Variants in CHRM5 observed in about 807,000 individuals in gnomAD.
CHRM5 encodes the protein muscarinic acetylcholine receptor M5.
CHRM5 carries 18 observed loss-of-function variants against 39.0 expected under a neutral mutation model. The ratio of observed to expected loss-of-function variants is 0.46; its 90% confidence interval spans 0.32 to 0.68. The LOEUF (loss-of-function observed/expected upper bound fraction) is 0.68. CHRM5 is among the 30% of genes least tolerant of loss of function. The pLI is 0.04. For synonymous variants in CHRM5, 241 were observed against 246.3 expected (o/e 0.98, Z 0.20); for missense variants, 515 against 651.1 (o/e 0.79, Z 2.28).
intron 1 of CHRM5, among the ~76,000 whole-genome samples, chr15:34,017,497 T>TTTTTTTTTTG (rs1555516619): frequency 1.5e-5 from 2 of 133,360 alleles, no homozygotes; most frequent in Non-Finnish European, 3.3e-5. Flanking sequence ...TTTTTTTTTT[T>TTTTTTTTTTG]TTTGAGACAG....
chr15:34,000,846 C>A (rs887533495), intron 1 of CHRM5, among the ~76,000 whole-genome samples: 8 of 151,976 alleles, frequency 5.3e-5, no homozygotes, highest in Non-Finnish European at 7.4e-5. Flanking sequence ...ACCAAAAAAA[C>A]CAAAACCAAT....
chr15:34,025,110 C>A (rs1032443141), intron 1 of CHRM5, among the ~76,000 whole-genome samples: 1 of 151,802 alleles, frequency 6.6e-6, no homozygotes, highest in Non-Finnish European at 1.5e-5. Context: ...GCAGAGGATG[C>A]AATAAGCAGA....
At chr15:34,034,258 G>C (rs767972632) in intron 1 of CHRM5, among the ~76,000 whole-genome samples, 1 of 152,058 alleles carries the variant, frequency 6.6e-6, no homozygotes, top group Non-Finnish European at 1.5e-5. Flanking sequence ...GCCTGGGCAA[G>C]ACAGTGAGAC....
chr15:34,038,914 C>G, intron 1 of CHRM5: 1 of 721,592 alleles, frequency 1.4e-6, no homozygotes, highest in Admixed American at 7.1e-5. Context: ...CCTCCGTCCC[C>G]GCCGCCGCCT....
intron 2 of CHRM5, among the ~76,000 whole-genome samples, chr15:34,052,965 T>C (rs1322450665): frequency 1.3e-5 from 2 of 152,080 alleles, no homozygotes; most frequent in Admixed American, 1.3e-4. Flanking sequence ...AAACTACCAT[T>C]GATATTCTTC....
At chr15:33,985,691 C>T (rs1009288018) in intron 1 of CHRM5, among the ~76,000 whole-genome samples, 1 of 152,050 alleles carries the variant, frequency 6.6e-6, no homozygotes, top group African/African-American at 2.4e-5. Flanking sequence ...GCATGATACA[C>T]CTGATTCCTT....
At chr15:34,047,054 T>C (rs1899720315) in intron 2 of CHRM5, among the ~76,000 whole-genome samples, 183 bp downstream of exon 2, 1 of 148,196 alleles carries the variant, frequency 6.7e-6, no homozygotes, top group East Asian at 2.0e-4. Flanking sequence ...AGGGCTTTTT[T>C]GTTTTGGTTT....
chr15:34,064,038 G>T lies in CHRM5; in HGVS notation c.1321G>T (p.Ala441Ser). The T allele has an allele frequency of 6.2e-7, 1 of 1,614,140 alleles. No homozygotes were observed. Among genetic ancestry groups the T allele is most frequent in the Non-Finnish European group, 8.5e-7 (1 of 1,180,026 alleles). Residue 441 changes from alanine (A) to serine (S), a missense_variant, in exon 3 of 3, where the codon GCC (alanine) becomes TCC (serine). Transcript: ENST00000383263. Reference sequence around the variant, plus strand: ...GGTCCTAGTCAAAGAGAGGAAAGCAGCCCAGACACTGAGTGCCATTCTCCT... The same window carrying T: ...GGTCCTAGTCAAAGAGAGGAAAGCATCCCAGACACTGAGTGCCATTCTCCT... Reference protein sequence around the residue: ...RVVLVKERKAAQTLSAILLAF... With the variant: ...RVVLVKERKASQTLSAILLAF...
At chr15:33,993,168 G>A (rs1435489729) in intron 1 of CHRM5, among the ~76,000 whole-genome samples, 1 of 152,120 alleles carries the variant, frequency 6.6e-6, no homozygotes, top group Admixed American at 6.5e-5. Flanking sequence ...AAAAAATGAA[G>A]GGCAGAAGAA....
chr15:34,001,825 T>C (rs964632948), intron 1 of CHRM5, among the ~76,000 whole-genome samples: 21 of 152,308 alleles, frequency 1.4e-4, no homozygotes, highest in African/African-American at 4.8e-4. Context: ...CTTAGTCTGG[T>C]GCCAGCATTC....
chr15:34,064,379 G>A lies in CHRM5; in HGVS notation c.*63G>A. 1 of 1,488,136 alleles carries A rather than the reference G, an allele frequency of 6.7e-7. No individual in the cohort carries two copies. Among genetic ancestry groups the A allele is most frequent in the Non-Finnish European group, 9.0e-7 (1 of 1,114,944 alleles). The allele number at this position is 1,488,136 out of a possible 1,614,324, so 92.2% of individuals were successfully genotyped here. A position where few individuals can be genotyped will look rare whatever the true frequency, so the allele number is the denominator to read the frequency against. ...GTCAACATCCTCTGAGGATGAGCAA[G>A]CTGATTCTGGTTTGTATATTTTCAA... On this transcript the variant is annotated 3_prime_UTR_variant, in exon 3 of 3. Coordinates refer to ENST00000383263, the MANE Select transcript of CHRM5 (RefSeq NM_012125.4).
chr15:34,019,026 C>T (rs756316054), intron 1 of CHRM5, among the ~76,000 whole-genome samples: 8 of 151,320 alleles, frequency 5.3e-5, no homozygotes, highest in South Asian at 4.2e-4. Flanking sequence ...AGACACAGAG[C>T]GCTGATTGGT....
At chr15:33,985,347 A>G (rs514472) in intron 1 of CHRM5, among the ~76,000 whole-genome samples, 138,814 of 150,810 alleles carry the variant, frequency 0.92, 64,827 homozygotes, top group Non-Finnish European at 1. Context: ...TGTGGGCTTT[A>G]TTACAGGGAA....
chr15:34,038,574 G>A (rs1056840802), intron 1 of CHRM5, among the ~76,000 whole-genome samples: 15 of 151,670 alleles, frequency 9.9e-5, no homozygotes, highest in African/African-American at 3.4e-4. Context: ...CCGGCCAGGA[G>A]GCCACGAGGG....
At chr15:34,052,513 AAAG>A (rs1899963238) in intron 2 of CHRM5, among the ~76,000 whole-genome samples, 1 of 152,234 alleles carries the variant, frequency 6.6e-6, no homozygotes, top group Non-Finnish European at 1.5e-5. Flanking sequence ...CAGGCAAGAG[AAAG>A]AAATGAAGCA....
chr15:34,063,304 G>T lies in CHRM5; in HGVS notation c.587G>T (p.Gly196Val). The T allele has an allele frequency of 6.2e-7, 1 of 1,614,082 alleles. No homozygotes were observed. The highest frequency in any genetic ancestry group is 8.5e-7 in the Non-Finnish European group (1 of 1,180,016). The change falls in exon 3 of 3, where the codon GGC becomes GTC. Residue 196 changes from glycine to valine, a missense_variant. By Grantham distance (109) the Gly-to-Val change is moderately radical. Coordinates refer to ENST00000383263, the MANE Select transcript of CHRM5 (RefSeq NM_012125.4). This position sits in a 1 kb window ranked among gnomAD's most constrained non-coding sequence, Gnocchi z 4.1. ...QFLSEPTITF[G>V]TAIAAFYIPV... is the part of the protein sequence containing the mutation. ...CTCTCTGAGCCCACCATCACTTTTG[G>T]CACTGCCATTGCTGCCTTCTACATC...
At position 34,063,335 on chromosome 15, in the gene CHRM5, T is replaced by G. The variant is rs1462460878; in HGVS notation, c.618T>G (p.Val206=). ...GTAIAAFYIP[V]SVMTILYCRI... is the part of the protein sequence containing the mutation. ...CCATTGCTGCCTTCTACATCCCTGT[T>G]TCTGTCATGACCATCCTCTACTGTC... Residue 206 remains valine, a synonymous_variant, in exon 3 of 3, where the codon GTT becomes GTG. Coordinates refer to ENST00000383263, the MANE Select transcript of CHRM5 (RefSeq NM_012125.4). This position sits in a 1 kb window ranked among gnomAD's most constrained non-coding sequence, Gnocchi z 4.1. 1.2e-6 allele frequency: 2 copies of G among 1,614,156 alleles called. No individual in the cohort carries two copies. Among genetic ancestry groups the G allele is most frequent in the Admixed American group, 1.7e-5 (1 of 60,014 alleles).
intron 1 of CHRM5, 61 bp from the exon 2 acceptor site, chr15:34,046,479 A>G (rs960017683): frequency 6.6e-6 from 1 of 152,190 alleles, no homozygotes; most frequent in African/African-American, 2.4e-5. Context: ...GTTACTGCAC[A>G]TTGCAGTTGG....
At chr15:34,024,242 A>T (rs1898337296) in intron 1 of CHRM5, among the ~76,000 whole-genome samples, 1 of 152,218 alleles carries the variant, frequency 6.6e-6, no homozygotes, top group Non-Finnish European at 1.5e-5. Flanking sequence ...CAAAAAAGGA[A>T]TACTTTATAA....
Sources: allele counts gnomAD v4.1 joint callset (sites outside exome capture counted in the v4.1 genomes callset), GRCh38; gene constraint gnomAD v4.1.1; non-coding constraint Gnocchi (gnomAD v3.1); transcripts MANE v1.5; gene names NCBI Gene and HGNC (gene_info 2026-07-23, HGNC 2026-07-21).